NSMCE2: variants seen among roughly 807,000 people sequenced by gnomAD.
NSMCE2 encodes the protein NSE2 SUMO ligase component of SMC5/6 complex.
In NSMCE2, 24 loss-of-function variants were observed where a neutral mutation model predicts 23.8. The ratio of observed to expected loss-of-function variants is 1.01; its 90% CI spans 0.73 to 1.42. NSMCE2 has a LOEUF of 1.42. Ranked by LOEUF, NSMCE2 falls within the 40% of genes most tolerant of loss-of-function variation. The pLI, the probability that NSMCE2 is intolerant of heterozygous loss-of-function variation, is 0.00. For synonymous variants in NSMCE2, 92 were observed against 94.1 expected (o/e 0.98, Z 0.13); for missense variants, 284 against 296.5 (o/e 0.96, Z 0.31).
At chr8:125,123,659 T>C (rs541388590) in intron 3 of NSMCE2, among the ~76,000 whole-genome samples, 15 of 139,056 alleles carry the variant, frequency 1.1e-4, no homozygotes, top group African/African-American at 3.7e-4. Context: ...CCCATGCCAG[T>C]CCTATTTGCC....
intron 1 of NSMCE2, among the ~76,000 whole-genome samples, chr8:125,095,704 G>A (rs1817893787): frequency 6.6e-6 from 1 of 152,030 alleles, no homozygotes; most frequent in Non-Finnish European, 1.5e-5. Flanking sequence ...AGACCAGCCT[G>A]GCAAACATAG....
chr8:125,196,310 G>A (rs1025637468), intron 5 of NSMCE2, among the ~76,000 whole-genome samples: 1 of 150,422 alleles, frequency 6.6e-6, no homozygotes, highest in East Asian at 2.0e-4. Flanking sequence ...CCATCAACTC[G>A]TCATTTACAT....
intron 5 of NSMCE2, among the ~76,000 whole-genome samples, chr8:125,264,961 G>A (rs1384650856): frequency 6.6e-6 from 1 of 152,124 alleles, no homozygotes; most frequent in East Asian, 1.9e-4. Context: ...TCTCAAACCA[G>A]GAGCAGGCTG....
intron 5 of NSMCE2, among the ~76,000 whole-genome samples, chr8:125,192,880 CAT>C (rs1823421255): frequency 6.6e-6 from 1 of 152,218 alleles, no homozygotes; most frequent in Non-Finnish European, 1.5e-5. Context: ...CTACTGCTAA[CAT>C]GTGCTGTCTT....
chr8:125,256,951 AAAAAAAAAG>A (rs79285705), intron 5 of NSMCE2, among the ~76,000 whole-genome samples: 1 of 130,948 alleles, frequency 7.6e-6, no homozygotes, highest in African/African-American at 3.0e-5. Context: ...AAAAAAAAAA[AAAAAAAAAG>A]AGGGCTGAAG....
intron 1 of NSMCE2, among the ~76,000 whole-genome samples, chr8:125,098,754 A>G (rs1037742875): frequency 4.0e-5 from 6 of 148,476 alleles, no homozygotes; most frequent in Non-Finnish European, 6.0e-5. Context: ...TGGAGTTGCT[A>G]TTTAGTAAGA....
In NSMCE2 at chr8:125,357,726, G is replaced by A; in HGVS notation, c.534G>A (p.Lys178=). The change falls in exon 7 of 8, where the codon AAG becomes AAA. Residue 178 remains lysine, a synonymous_variant. Transcript: ENST00000287437. The part of the protein sequence containing the change: ...TCPITKEEMK[K]PVKNKVCGHT... ...CTTGATTACAGGAGGAAATGAAGAA[G>A]CCAGTGAAAAATAAAGTGTGTGGCC... The A allele has an allele frequency of 6.2e-7, 1 of 1,612,946 alleles. No individual in the cohort carries two copies.
At chr8:125,306,937 C>T (rs1440914182) in intron 5 of NSMCE2, among the ~76,000 whole-genome samples, 1 of 152,126 alleles carries the variant, frequency 6.6e-6, no homozygotes, top group Non-Finnish European at 1.5e-5. Flanking sequence ...ATGTGAAATG[C>T]CTAGAACTGT....
chr8:125,113,394 A>G (rs1403176689), intron 3 of NSMCE2, among the ~76,000 whole-genome samples: 1 of 152,150 alleles, frequency 6.6e-6, no homozygotes, highest in African/African-American at 2.4e-5. Flanking sequence ...AGGCTGAGGC[A>G]GGAGAAGCCC....
intron 3 of NSMCE2, among the ~76,000 whole-genome samples, chr8:125,127,369 A>G (rs1194902133): frequency 6.6e-6 from 1 of 151,990 alleles, no homozygotes; most frequent in Non-Finnish European, 1.5e-5. Context: ...GTGTGGGGGG[A>G]GATTGTCTTC....
intron 5 of NSMCE2, among the ~76,000 whole-genome samples, chr8:125,188,098 CA>C (rs774942379): frequency 6.6e-6 from 1 of 152,108 alleles, no homozygotes; most frequent in Non-Finnish European, 1.5e-5. Flanking sequence ...TCATTTTAAG[CA>C]CACCCAATCT....
At chr8:125,184,178 G>A (rs1822964660) in intron 5 of NSMCE2, among the ~76,000 whole-genome samples, 2 of 152,060 alleles carry the variant, frequency 1.3e-5, no homozygotes, top group South Asian at 4.1e-4. Flanking sequence ...ACAGGTTGAA[G>A]GACAAATATT....
intron 4 of NSMCE2, among the ~76,000 whole-genome samples, chr8:125,161,537 C>T (rs1371770878): frequency 6.6e-6 from 1 of 152,104 alleles, no homozygotes; most frequent in Non-Finnish European, 1.5e-5. Context: ...GTGGCTCACA[C>T]CTGTAATTCC....
intron 4 of NSMCE2, among the ~76,000 whole-genome samples, chr8:125,163,980 G>A (rs16900405): frequency 0.013 from 1,941 of 152,336 alleles, 36 homozygotes; most frequent in African/African-American, 0.045. Flanking sequence ...TTTGTTTCAA[G>A]TATGTTGGAG....
intron 3 of NSMCE2, among the ~76,000 whole-genome samples, chr8:125,128,675 A>ATGGAGGC (rs1441075859): frequency 2.0e-5 from 3 of 152,154 alleles, no homozygotes; most frequent in African/African-American, 7.2e-5. Flanking sequence ...CCAGGGGAAA[A>ATGGAGGC]TCATTGTCTT....
intron 4 of NSMCE2, among the ~76,000 whole-genome samples, chr8:125,159,620 C>G (rs748698360): frequency 6.6e-6 from 1 of 152,116 alleles, no homozygotes; most frequent in South Asian, 2.1e-4. Flanking sequence ...CATGACTATA[C>G]AGGGTTTGGT....
chr8:125,161,032 A>G (rs1821590013), intron 4 of NSMCE2, among the ~76,000 whole-genome samples: 1 of 152,186 alleles, frequency 6.6e-6, no homozygotes, highest in Non-Finnish European at 1.5e-5. Flanking sequence ...GAAGGATATA[A>G]ATGGAGAGTA....
Position 125,147,741 on chromosome 8 carries a change from C to T in NSMCE2, c.158-3430C>T, listed in dbSNP as rs116662396. 5.6e-3 allele frequency among the ~76,000 whole-genome samples: 852 copies of T among 152,262 alleles called. 10 individuals are homozygous for T. Among genetic ancestry groups the T allele is most frequent in the African/African-American group, 0.019 (802 of 41,552 alleles). ...AGTACCTCCACAACCACCCCAACCC[C>T]CAGCAACTTTTTAGTCAGTAACTCT... On this transcript the variant is annotated intron_variant, in intron 3 of 7. Coordinates refer to ENST00000287437, the MANE Select transcript of NSMCE2 (RefSeq NM_173685.4).
At chr8:125,253,459 A>G (rs920207837) in intron 5 of NSMCE2, among the ~76,000 whole-genome samples, 1 of 152,160 alleles carries the variant, frequency 6.6e-6, no homozygotes. Context: ...TTAGATGCAG[A>G]GTTTCGGGTG....
Sources: allele counts gnomAD v4.1 joint callset (sites outside exome capture counted in the v4.1 genomes callset), GRCh38; gene constraint gnomAD v4.1.1; transcripts MANE v1.5; gene names NCBI Gene and HGNC (gene_info 2026-07-23, HGNC 2026-07-21).